Variants in RGS6 observed in about 807,000 individuals in gnomAD.
RGS6 encodes the protein regulator of G protein signaling 6, also known as regulator of G-protein signaling 6.
A neutral mutation model predicts 78.5 loss-of-function variants in RGS6; 30 were observed. The ratio of observed to expected loss-of-function variants is 0.38; its 90% CI spans 0.29 to 0.52. The LOEUF is 0.52. Ranked by LOEUF, RGS6 falls within the 20% of genes least tolerant of loss-of-function variation. The pLI is 0.85. For synonymous variants in RGS6, 206 were observed against 206.0 expected, an observed-to-expected ratio of 1.00 and a Z score of 0.00; for missense variants, 495 against 609.7, an observed-to-expected ratio of 0.81 and a Z score of 1.98.
At chr14:72,099,004 T>C (rs1255904072) in intron 2 of RGS6, among the ~76,000 whole-genome samples, 2 of 152,194 alleles carry the variant, frequency 1.3e-5, no homozygotes, top group Non-Finnish European at 2.9e-5. Context: ...CTTAGAATTG[T>C]ATGGCTTTTT....
At chr14:72,431,638 G>A (rs560277378) in intron 3 of RGS6, among the ~76,000 whole-genome samples, 13 of 151,986 alleles carry the variant, frequency 8.6e-5, no homozygotes, top group African/African-American at 2.7e-4. Context: ...CCACCTCAGG[G>A]ACATATATTG....
At chr14:72,174,837 C>A (rs1342178798) in intron 2 of RGS6, among the ~76,000 whole-genome samples, 1 of 152,148 alleles carries the variant, frequency 6.6e-6, no homozygotes, top group African/African-American at 2.4e-5. Flanking sequence ...GCAGTTTTGG[C>A]AGCTGACAGC....
intron 2 of RGS6, among the ~76,000 whole-genome samples, chr14:72,253,577 G>T (rs548211094): frequency 6.6e-6 from 1 of 152,308 alleles, no homozygotes; most frequent in South Asian, 2.1e-4. Flanking sequence ...ACAAACACAG[G>T]TCTTTGGCTT....
intron 2 of RGS6, among the ~76,000 whole-genome samples, chr14:72,055,827 C>G (rs924618753): frequency 6.6e-6 from 1 of 152,222 alleles, no homozygotes; most frequent in African/African-American, 2.4e-5. Context: ...GGAGAATCCT[C>G]TTGCCTCTAA....
At chr14:71,975,706 C>T (rs935138019) in intron 2 of RGS6, among the ~76,000 whole-genome samples, 2 of 152,214 alleles carry the variant, frequency 1.3e-5, no homozygotes, top group South Asian at 4.1e-4. Context: ...ATCCTCCCAC[C>T]TCAGCCTCCC....
At chr14:72,414,214 C>T (rs1433385981) in intron 3 of RGS6, among the ~76,000 whole-genome samples, 4 of 152,154 alleles carry the variant, frequency 2.6e-5, no homozygotes, top group African/African-American at 7.2e-5. Flanking sequence ...ACCAATCAGA[C>T]GTAGATTTGG....
At chr14:72,317,529 C>G (rs546593854) in intron 2 of RGS6, among the ~76,000 whole-genome samples, 2 of 152,282 alleles carry the variant, frequency 1.3e-5, no homozygotes, top group Admixed American at 1.3e-4. Context: ...CCTAGTGATT[C>G]TAGCCAAGTG....
chr14:72,557,390 T>TTTTGC (rs1475243702), intron 17 of RGS6, among the ~76,000 whole-genome samples: 1 of 152,300 alleles, frequency 6.6e-6, no homozygotes, highest in South Asian at 2.1e-4. Flanking sequence ...AAATCATTTC[T>TTTTGC]TTTGCTTTGC....
chr14:72,331,248 C>CA (rs55899915), intron 2 of RGS6, among the ~76,000 whole-genome samples: 2,017 of 128,592 alleles, frequency 0.016, 44 homozygotes, highest in East Asian at 0.068. Context: ...CCCTGTCGTT[C>CA]AAAAAAAAAA....
intron 2 of RGS6, among the ~76,000 whole-genome samples, chr14:72,155,786 A>G (rs1402305328): frequency 6.6e-6 from 1 of 152,144 alleles, no homozygotes; most frequent in Non-Finnish European, 1.5e-5. Flanking sequence ...CATCACATCT[A>G]CTGTGGTGGC....
At chr14:72,379,836 C>T (rs1462640917) in intron 3 of RGS6, among the ~76,000 whole-genome samples, 1 of 152,004 alleles carries the variant, frequency 6.6e-6, no homozygotes, top group Non-Finnish European at 1.5e-5. Flanking sequence ...GTACATGGAA[C>T]CACAAAAGAC....
the RGS6 span, among the ~76,000 whole-genome samples, chr14:71,868,051 C>A: frequency 7.9e-5 from 12 of 152,168 alleles, no homozygotes; most frequent in African/African-American, 2.4e-4. Context: ...TTACAACCAA[C>A]CAAGGAAAGG....
chr14:72,327,959 C>T (rs1467370991), intron 2 of RGS6, among the ~76,000 whole-genome samples: 6 of 152,040 alleles, frequency 3.9e-5, no homozygotes, highest in South Asian at 2.1e-4. Flanking sequence ...AATTTGTTCA[C>T]GTGTTTGTAG....
chr14:72,364,635 T>G (rs570940729), intron 3 of RGS6, among the ~76,000 whole-genome samples: 5 of 152,318 alleles, frequency 3.3e-5, no homozygotes, highest in African/African-American at 9.6e-5. Flanking sequence ...AAAGTAAAGA[T>G]GAAAGAATAA....
chr14:72,581,531 A>G, the RGS6 span, among the ~76,000 whole-genome samples: 1 of 152,144 alleles, frequency 6.6e-6, no homozygotes, highest in Non-Finnish European at 1.5e-5. Flanking sequence ...AATGCCTCTG[A>G]TAAATCCTTC....
chr14:72,171,541 C>T (rs906859460), intron 2 of RGS6, among the ~76,000 whole-genome samples: 6 of 152,204 alleles, frequency 3.9e-5, no homozygotes, highest in African/African-American at 1.4e-4. Flanking sequence ...CTTTCCTTCA[C>T]TTCTCACCTA....
At chr14:72,553,671 ACT>A (rs370304585) in intron 17 of RGS6, among the ~76,000 whole-genome samples, 6 of 151,774 alleles carry the variant, frequency 4.0e-5, no homozygotes, top group African/African-American at 1.5e-4. Context: ...TGACCCAGTA[ACT>A]CTCTTCTCCT....
intron 2 of RGS6, among the ~76,000 whole-genome samples, chr14:72,173,365 G>T (rs1000616637): frequency 1.3e-5 from 2 of 152,100 alleles, no homozygotes; most frequent in African/African-American, 4.8e-5. Context: ...TCCCGAGTGG[G>T]CATGGAAAGG....
chr14:72,414,222 T>C (rs2093638306), intron 3 of RGS6, among the ~76,000 whole-genome samples: 1 of 152,248 alleles, frequency 6.6e-6, no homozygotes, highest in South Asian at 2.1e-4. Flanking sequence ...GACGTAGATT[T>C]GGGCTTTTCA....
Sources: allele counts gnomAD v4.1 joint callset (sites outside exome capture counted in the v4.1 genomes callset), GRCh38; gene constraint gnomAD v4.1.1; transcripts MANE v1.5; gene names NCBI Gene and HGNC (gene_info 2026-07-23, HGNC 2026-07-21).